The following MAML3 variants were observed in gnomAD, a reference collection of about 807,000 sequenced individuals.
The protein encoded by MAML3 is mastermind like transcriptional coactivator 3, also known as mastermind-like protein 3.
MAML3 carries 27 observed loss-of-function variants against 101.9 expected under a neutral mutation model. That is an observed-to-expected ratio of 0.27 (90% CI 0.20 to 0.37). The LOEUF is 0.37. Among genes scored for constraint, MAML3 ranks in the 10% least tolerant of loss-of-function variants. MAML3 has a pLI of 1.00. For missense variants in MAML3, 1,316 were observed against 1,444.9 expected, an observed-to-expected ratio of 0.91 and a Z score of 1.45; for synonymous variants, 501 against 555.9, an observed-to-expected ratio of 0.90 and a Z score of 1.39.
intron 2 of MAML3, among the ~76,000 whole-genome samples, chr4:139,758,980 G>A (rs900831177): frequency 1.3e-5 from 2 of 152,198 alleles, no homozygotes; most frequent in Non-Finnish European, 2.9e-5. Context: ...TTAGATGTTT[G>A]TCCATCCATC....
intron 2 of MAML3, among the ~76,000 whole-genome samples, chr4:139,833,153 A>AAACTT (rs1731198724): frequency 6.6e-5 from 10 of 152,322 alleles, no homozygotes; most frequent in Admixed American, 6.5e-4. Flanking sequence ...AAGTGAGCCA[A>AAACTT]CCAGGGAAGC....
At chr4:139,897,587 T>C (rs963186970) in intron 1 of MAML3, among the ~76,000 whole-genome samples, 1 of 152,186 alleles carries the variant, frequency 6.6e-6, no homozygotes, top group Admixed American at 6.5e-5. Flanking sequence ...CCGCCCACAA[T>C]GCCACTACCC....
intron 1 of MAML3, among the ~76,000 whole-genome samples, chr4:140,109,315 C>T (rs538816795): frequency 6.6e-6 from 1 of 152,200 alleles, no homozygotes; most frequent in African/African-American, 2.4e-5. Flanking sequence ...GTTACAGTGC[C>T]CTATTGGAAT....
At chr4:139,854,126 T>C (rs1395885624) in intron 2 of MAML3, among the ~76,000 whole-genome samples, 1 of 150,968 alleles carries the variant, frequency 6.6e-6, no homozygotes, top group Non-Finnish European at 1.5e-5. Context: ...CCCGGCCACA[T>C]TTTTTTTTAT....
At chr4:139,820,109 G>A (rs1419614328) in intron 2 of MAML3, among the ~76,000 whole-genome samples, 1 of 152,164 alleles carries the variant, frequency 6.6e-6, no homozygotes, top group Non-Finnish European at 1.5e-5. Context: ...TGTTGGCTGT[G>A]CAAATCTCTA....
chr4:139,850,627 G>A (rs919508212), intron 2 of MAML3, among the ~76,000 whole-genome samples: 14 of 145,454 alleles, frequency 9.6e-5, no homozygotes, highest in Admixed American at 4.2e-4. Context: ...TCTGCTTTCC[G>A]GACTTAAACG....
intron 2 of MAML3, among the ~76,000 whole-genome samples, chr4:139,838,585 T>C (rs1731302458): frequency 1.3e-5 from 2 of 152,172 alleles, no homozygotes; most frequent in Non-Finnish European, 2.9e-5. Context: ...TCTGAAAGTG[T>C]TGCTGTTCAG....
At chr4:140,100,854 A>G (rs976095164) in intron 1 of MAML3, among the ~76,000 whole-genome samples, 1 of 152,096 alleles carries the variant, frequency 6.6e-6, no homozygotes, top group Non-Finnish European at 1.5e-5. Flanking sequence ...TGGGAGTGAT[A>G]TTATGCCATT....
At chr4:139,888,701 T>G (rs1456707927) in intron 2 of MAML3, 48 of 517,016 alleles carry the variant, frequency 9.3e-5, no homozygotes, top group South Asian at 2.8e-4. Flanking sequence ...CACCATCACA[T>G]TTTCCTGAAA....
At chr4:140,146,824 G>A (rs1206895525) in intron 1 of MAML3, among the ~76,000 whole-genome samples, 1 of 152,004 alleles carries the variant, frequency 6.6e-6, no homozygotes, top group Non-Finnish European at 1.5e-5. Context: ...TGTCGTTAGT[G>A]CCAATGACTA....
chr4:139,943,924 G>A (rs952489328), intron 1 of MAML3, among the ~76,000 whole-genome samples: 1 of 122,934 alleles, frequency 8.1e-6, no homozygotes, highest in African/African-American at 3.1e-5. Context: ...AGGCTGGAGT[G>A]CAGCGGTGCA....
intron 2 of MAML3, among the ~76,000 whole-genome samples, chr4:139,868,879 A>C (rs1341663229): frequency 6.6e-6 from 1 of 152,222 alleles, no homozygotes. Flanking sequence ...AGTGGTATTA[A>C]AACACAATCC....
intron 1 of MAML3, among the ~76,000 whole-genome samples, chr4:140,056,716 A>C (rs1560879508): frequency 6.6e-6 from 1 of 151,538 alleles, no homozygotes; most frequent in Non-Finnish European, 1.5e-5. Flanking sequence ...AGGCTAAGGC[A>C]GGAGAATCGC....
intron 1 of MAML3, among the ~76,000 whole-genome samples, chr4:139,926,279 G>T (rs960319838): frequency 6.6e-6 from 1 of 152,192 alleles, no homozygotes; most frequent in South Asian, 2.1e-4. Context: ...TTTAAAGGTA[G>T]TTTAGATCCT....
chr4:139,727,583 C>G (rs997504454), intron 3 of MAML3, among the ~76,000 whole-genome samples: 1 of 152,160 alleles, frequency 6.6e-6, no homozygotes, highest in Non-Finnish European at 1.5e-5. Flanking sequence ...CTCAGTTCCT[C>G]ATTTGTAAAA....
intron 1 of MAML3, among the ~76,000 whole-genome samples, chr4:140,049,249 G>A (rs1322676196): frequency 6.6e-6 from 1 of 152,074 alleles, no homozygotes; most frequent in Non-Finnish European, 1.5e-5. Flanking sequence ...CATCTCCCTC[G>A]CCGCCTCCCT....
intron 1 of MAML3, among the ~76,000 whole-genome samples, chr4:139,902,663 C>A (rs916746723): frequency 6.6e-5 from 10 of 152,196 alleles, no homozygotes; most frequent in Non-Finnish European, 1.3e-4. Flanking sequence ...CAGCAGAGCT[C>A]TGGAGCCTGG....
chr4:139,782,337 T>C (rs1310147595), intron 2 of MAML3, among the ~76,000 whole-genome samples: 1 of 152,078 alleles, frequency 6.6e-6, no homozygotes, highest in Non-Finnish European at 1.5e-5. Context: ...TAGTTTAAAA[T>C]ATTGTTTTGG....
chr4:139,751,417 T>C (rs1000818783), intron 2 of MAML3, among the ~76,000 whole-genome samples: 5 of 152,226 alleles, frequency 3.3e-5, no homozygotes, highest in Non-Finnish European at 4.4e-5. Context: ...ATACACGTTA[T>C]ACACATAGTG....
Sources: gnomAD v4.1 joint callset for allele counts (sites outside exome capture counted in the v4.1 genomes callset) on GRCh38, gnomAD v4.1.1 for gene constraint, MANE v1.5 for transcripts, NCBI Gene and HGNC (gene_info 2026-07-23, HGNC 2026-07-21) for gene names.